The following NRXN3 variants were observed in gnomAD, a reference collection of about 807,000 sequenced individuals.
NRXN3 encodes neurexin 3.
A neutral mutation model predicts 137.6 loss-of-function variants in NRXN3; 32 were observed. The observed-to-expected ratio is 0.23, with a 90% CI of 0.18 to 0.31. The LOEUF is 0.31. Ranked by LOEUF, NRXN3 falls within the 10% of genes least tolerant of loss-of-function variation. The probability of loss-of-function intolerance (pLI) is 1.00; values close to 1 mark genes in which losing one functional copy is unlikely to be tolerated. For synonymous variants in NRXN3, 798 were observed against 784.5 expected (o/e 1.02, Z -0.29); for missense variants, 1,574 against 2,062.5 (o/e 0.76, Z 4.59).
intron 16 of NRXN3, among the ~76,000 whole-genome samples, chr14:79,531,642 AGT>A (rs1202239074): frequency 6.6e-6 from 1 of 152,218 alleles, no homozygotes; most frequent in Non-Finnish European, 1.5e-5. Flanking sequence ...ATTATAAGAT[AGT>A]GTATGTCTAG....
At chr14:79,372,491 C>T (rs2094140507) in intron 15 of NRXN3, among the ~76,000 whole-genome samples, 1 of 152,064 alleles carries the variant, frequency 6.6e-6, no homozygotes, top group South Asian at 2.1e-4. Context: ...ATAATAATTC[C>T]TCATAGGAAA....
chr14:79,174,544 A>G (rs1013258169), intron 15 of NRXN3, among the ~76,000 whole-genome samples: 2 of 147,358 alleles, frequency 1.4e-5, no homozygotes, highest in African/African-American at 4.9e-5. Context: ...TGCTTTGATC[A>G]GAAATCCTAA....
intron 20 of NRXN3, among the ~76,000 whole-genome samples, chr14:79,857,262 C>T (rs1470118409): frequency 6.6e-6 from 1 of 152,126 alleles, no homozygotes; most frequent in African/African-American, 2.4e-5. Context: ...CGCTCTGTCG[C>T]CCAGGCTGGA....
chr14:79,709,807 C>T (rs113251273), intron 19 of NRXN3, among the ~76,000 whole-genome samples: 6 of 152,210 alleles, frequency 3.9e-5, no homozygotes, highest in African/African-American at 1.4e-4. Context: ...CCACTGAAGA[C>T]AGACAAGGAG....
rs2099148279 is a variant in NRXN3 at position 79,792,461 on chromosome 14, C to T, written c.4015-12651C>T. 2.0e-5 allele frequency among the ~76,000 whole-genome samples: 3 copies of T among 152,104 alleles called. No individual in the cohort carries two copies. The South Asian group carries it at 6.2e-4, about 32-fold the overall frequency. ...CTCTGCTGTATTTAGTTATTTTTTG[C>T]TCAAAGCATTTGAATCAATATGTAT... On this transcript the variant is annotated intron_variant, in intron 19 of 20. Transcript: ENST00000335750.
chr14:78,533,630 G>A (rs758343852), intron 4 of NRXN3, among the ~76,000 whole-genome samples: 10 of 152,128 alleles, frequency 6.6e-5, no homozygotes, highest in African/African-American at 2.2e-4. Flanking sequence ...TCATGTTTGC[G>A]GTTTGTGGGA....
At chr14:79,513,987 A>T (rs1198420255) in intron 16 of NRXN3, among the ~76,000 whole-genome samples, 2 of 152,216 alleles carry the variant, frequency 1.3e-5, no homozygotes, top group African/African-American at 4.8e-5. Flanking sequence ...AGCAATATAT[A>T]GAGCAAATTA....
At chr14:78,516,406 T>G (rs1397014574) in intron 4 of NRXN3, among the ~76,000 whole-genome samples, 3 of 148,188 alleles carry the variant, frequency 2.0e-5, no homozygotes, top group African/African-American at 5.0e-5. Context: ...AGATTGGCTG[T>G]GGAGAGTATA....
At chr14:79,803,925 A>ATATG (rs1305845780) in intron 19 of NRXN3, among the ~76,000 whole-genome samples, 6 of 117,580 alleles carry the variant, frequency 5.1e-5, no homozygotes, top group South Asian at 2.8e-4. Flanking sequence ...ATATATATAT[A>ATATG]TGTGTGTGTA....
intron 16 of NRXN3, among the ~76,000 whole-genome samples, chr14:79,599,727 G>A (rs537765464): frequency 2.3e-4 from 35 of 152,202 alleles, no homozygotes; most frequent in African/African-American, 8.4e-4. Flanking sequence ...AGGCACAGTG[G>A]CTCATGCCTG....
At chr14:79,506,357 T>C (rs925341508) in intron 16 of NRXN3, among the ~76,000 whole-genome samples, 1 of 152,174 alleles carries the variant, frequency 6.6e-6, no homozygotes, top group Non-Finnish European at 1.5e-5. Context: ...TTATGAAAGA[T>C]CTCAAGAGAA....
chr14:78,231,336 G>T (rs1036727144), intron 1 of NRXN3: 2 of 152,400 alleles, frequency 1.3e-5, no homozygotes. Context: ...TGGGGTGAGG[G>T]TGTTTGGTCC....
intron 15 of NRXN3, among the ~76,000 whole-genome samples, chr14:79,024,189 C>T (rs932872275): frequency 1.3e-5 from 2 of 152,078 alleles, no homozygotes; most frequent in African/African-American, 2.4e-5. Context: ...TTCTTACATA[C>T]AGAGGGTGGC....
chr14:79,029,566 T>C (rs1028800273), intron 15 of NRXN3, among the ~76,000 whole-genome samples: 8 of 152,148 alleles, frequency 5.3e-5, no homozygotes, highest in African/African-American at 1.9e-4. Flanking sequence ...GGACAGTATT[T>C]CTCAATAGCC....
At chr14:79,287,402 A>G (rs1306567709) in intron 15 of NRXN3, among the ~76,000 whole-genome samples, 2 of 152,174 alleles carry the variant, frequency 1.3e-5, no homozygotes, top group East Asian at 3.9e-4. Flanking sequence ...ATACTCTGAG[A>G]TCATTTTGGA....
intron 4 of NRXN3, among the ~76,000 whole-genome samples, chr14:78,644,380 C>T (rs1052705289): frequency 1.3e-5 from 2 of 152,122 alleles, no homozygotes; most frequent in African/African-American, 4.8e-5. Context: ...AGAATGCCGT[C>T]CTGGCCCTGT....
intron 16 of NRXN3, among the ~76,000 whole-genome samples, chr14:79,565,650 C>T (rs553401192): frequency 2.0e-4 from 30 of 152,004 alleles, no homozygotes; most frequent in African/African-American, 7.0e-4. Context: ...TTGCTGACAC[C>T]TATTTGGTTG....
At chr14:78,261,810 C>T (rs2070772152) in intron 2 of NRXN3, among the ~76,000 whole-genome samples, 1 of 152,136 alleles carries the variant, frequency 6.6e-6, no homozygotes, top group Admixed American at 6.5e-5. Flanking sequence ...AACTCCCAGC[C>T]TAGCACTCAT....
chr14:79,079,344 T>G (rs2046506243), intron 15 of NRXN3, among the ~76,000 whole-genome samples: 1 of 152,194 alleles, frequency 6.6e-6, no homozygotes, highest in African/African-American at 2.4e-5. Context: ...TTTTCTCATT[T>G]TAAAATAACA....
Sources: allele counts gnomAD v4.1 joint callset (sites outside exome capture counted in the v4.1 genomes callset), GRCh38; gene constraint gnomAD v4.1.1; transcripts MANE v1.5; gene names NCBI Gene and HGNC (gene_info 2026-07-23, HGNC 2026-07-21).